The following ZMIZ1 variants were observed in gnomAD, a reference collection of about 807,000 sequenced individuals.
The protein encoded by ZMIZ1 is zinc finger MIZ-type containing 1.
ZMIZ1 carries 17 observed loss-of-function variants against 113.9 expected under a neutral mutation model. The observed-to-expected ratio is 0.15, with a 90% CI of 0.10 to 0.22. The LOEUF (loss-of-function observed/expected upper bound fraction) is 0.22. ZMIZ1 is among the 10% of genes least tolerant of loss of function. ZMIZ1 has a pLI of 1.00. For missense variants in ZMIZ1, 1,059 were observed against 1,477.8 expected (o/e 0.72, Z 4.65); for synonymous variants, 607 against 603.1 (o/e 1.01, Z -0.09).
At chr10:79,094,994 A>T (rs4246942) in intron 1 of ZMIZ1, among the ~76,000 whole-genome samples, 45,370 of 151,006 alleles carry the variant, frequency 0.3, 6,953 homozygotes, top group African/African-American at 0.32. Flanking sequence ...GCAAGCAAGC[A>T]GTGGCGCTGG....
chr10:79,260,273 C>T (rs900422350), intron 7 of ZMIZ1, among the ~76,000 whole-genome samples: 2 of 152,188 alleles, frequency 1.3e-5, no homozygotes, highest in African/African-American at 2.4e-5. Context: ...CCTGGTAGAG[C>T]TTTTGTTCCA....
intron 1 of ZMIZ1, among the ~76,000 whole-genome samples, chr10:79,079,373 A>G (rs1485682817): frequency 6.6e-6 from 1 of 152,194 alleles, no homozygotes; most frequent in African/African-American, 2.4e-5. Context: ...CAGATCCTTA[A>G]TTCAATGTGG....
At chr10:79,254,885 G>GC (rs1850781135) in intron 7 of ZMIZ1, among the ~76,000 whole-genome samples, 1 of 152,192 alleles carries the variant, frequency 6.6e-6, no homozygotes, top group African/African-American at 2.4e-5. Flanking sequence ...TTGCCCGATG[G>GC]CCCCCATCCA....
chr10:79,304,059 A>T lies in ZMIZ1; in HGVS notation c.2170A>T (p.Thr724Ser). 1 of 1,614,144 alleles carries T rather than the reference A, an allele frequency of 6.2e-7. No homozygotes were observed. The highest frequency in any genetic ancestry group is 8.5e-7 in the Non-Finnish European group (1 of 1,180,042). The part of the protein sequence containing the change: ...SSVAASSGNT[T>S]LNGEDGVEQT... ...CGTGGCTGCCTCCTCGGGCAACACG[A>T]CCCTCAACGGGGAGGATGGGGTGGA... The change falls in exon 19 of 25, where the codon ACC (threonine) becomes TCC (serine). Residue 724 changes from threonine (T) to serine (S), a missense_variant. By Grantham distance (58) the Thr-to-Ser change is moderately conservative. Coordinates refer to ENST00000334512, the MANE Select transcript of ZMIZ1 (RefSeq NM_020338.4).
At chr10:79,175,583 C>CGTGTGTGTGTGTGTGTGT (rs757004699) in intron 4 of ZMIZ1, among the ~76,000 whole-genome samples, 5 of 125,304 alleles carry the variant, frequency 4.0e-5, no homozygotes, top group African/African-American at 9.9e-5. Context: ...GTGCACTCTG[C>CGTGTGTGTGTGTGTGTGT]GTGTGTGTGT....
chr10:79,096,405 G>A (rs532883991), intron 1 of ZMIZ1, among the ~76,000 whole-genome samples: 1 of 152,294 alleles, frequency 6.6e-6, no homozygotes, highest in Admixed American at 6.5e-5. Context: ...CCAGCTACTA[G>A]GGAGGCTGAG....
intron 10 of ZMIZ1, 62 bp downstream of exon 10, chr10:79,291,238 G>A: frequency 6.7e-7 from 1 of 1,490,436 alleles, no homozygotes; most frequent in Non-Finnish European, 9.0e-7. Flanking sequence ...CTTCCAGTGG[G>A]GAGGGACCCA....
At chr10:79,089,664 G>T (rs1017023113) in intron 1 of ZMIZ1, among the ~76,000 whole-genome samples, 4 of 152,008 alleles carry the variant, frequency 2.6e-5, no homozygotes, top group Admixed American at 2.6e-4. Flanking sequence ...TCAGTTCCGA[G>T]GGCCACTGAG....
chr10:79,147,424 C>T (rs901054152), intron 3 of ZMIZ1, among the ~76,000 whole-genome samples: 3 of 152,154 alleles, frequency 2.0e-5, no homozygotes, highest in African/African-American at 7.2e-5. Flanking sequence ...TGTATGGCCC[C>T]TGGAGTGTGC....
intron 8 of ZMIZ1, among the ~76,000 whole-genome samples, chr10:79,286,447 G>A (rs1853082828): frequency 6.6e-6 from 1 of 152,244 alleles, no homozygotes; most frequent in Admixed American, 6.5e-5. Context: ...CGGTCCTGTC[G>A]GTGCGGCTGC....
chr10:79,222,856 G>A (rs1053550623), intron 7 of ZMIZ1, among the ~76,000 whole-genome samples: 15 of 152,174 alleles, frequency 9.9e-5, no homozygotes, highest in African/African-American at 2.9e-4. Flanking sequence ...TCAGATTGTT[G>A]GGAGAGGCAC....
intron 4 of ZMIZ1, among the ~76,000 whole-genome samples, chr10:79,188,878 C>G (rs1847471880): frequency 6.6e-6 from 1 of 152,226 alleles, no homozygotes; most frequent in Non-Finnish European, 1.5e-5. Context: ...CTTTCATGAT[C>G]TCCCAGAGGA....
At chr10:79,149,574 A>G (rs973665863) in intron 3 of ZMIZ1, among the ~76,000 whole-genome samples, 2 of 152,132 alleles carry the variant, frequency 1.3e-5, no homozygotes, top group Non-Finnish European at 1.5e-5. Context: ...TCCTCCAGAC[A>G]CTTCAGGGGT....
At chr10:79,124,002 G>C (rs1228024646) in intron 2 of ZMIZ1, among the ~76,000 whole-genome samples, 1 of 152,222 alleles carries the variant, frequency 6.6e-6, no homozygotes, top group Non-Finnish European at 1.5e-5. Flanking sequence ...CTCCACCCCA[G>C]CCTCTGCAGC....
At chr10:79,241,238 T>A (rs565171880) in intron 7 of ZMIZ1, among the ~76,000 whole-genome samples, 1 of 152,326 alleles carries the variant, frequency 6.6e-6, no homozygotes, top group Admixed American at 6.5e-5. Context: ...ACATCTGTTT[T>A]CTGGGTGTCA....
At chr10:79,075,608 C>T (rs991566218) in intron 1 of ZMIZ1, among the ~76,000 whole-genome samples, 19 of 152,186 alleles carry the variant, frequency 1.2e-4, no homozygotes, top group Non-Finnish European at 1.0e-4. Context: ...CACATGCAAA[C>T]GCATGCACAC....
Position 79,075,216 on chromosome 10 carries a change from C to CT in ZMIZ1, c.-337+5946_-337+5947insT, listed in dbSNP as rs747900092. 2.3e-3 allele frequency among the ~76,000 whole-genome samples: 350 copies of CT among 152,254 alleles called. 2 individuals are homozygous for CT. Among genetic ancestry groups the CT allele is most frequent in the Non-Finnish European group, 4.2e-3 (285 of 68,018 alleles). ...GTGTTTTTCTGTAGAAACTGAGTAT[C>CT]GCAGACTGTCAGAGTGGACATAGCC... On this transcript the variant is annotated intron_variant, in intron 1 of 24. Transcript: ENST00000334512.
chr10:79,307,917 C>T (rs1854840655), intron 23 of ZMIZ1, among the ~76,000 whole-genome samples: 1 of 152,198 alleles, frequency 6.6e-6, no homozygotes, highest in African/African-American at 2.4e-5. Flanking sequence ...CTTACACTCA[C>T]CTAACACGGT....
At chr10:79,190,681 T>C (rs1278147118) in intron 4 of ZMIZ1, among the ~76,000 whole-genome samples, 1 of 152,182 alleles carries the variant, frequency 6.6e-6, no homozygotes, top group South Asian at 2.1e-4. Context: ...CCTGTGTGGC[T>C]AGGTAGAAAT....
Sources: gnomAD v4.1 joint callset for allele counts (sites outside exome capture counted in the v4.1 genomes callset) on GRCh38, gnomAD v4.1.1 for gene constraint, MANE v1.5 for transcripts, NCBI Gene and HGNC (gene_info 2026-07-23, HGNC 2026-07-21) for gene names.